The following SPI1 variants were observed in gnomAD, a reference collection of about 807,000 sequenced individuals.
SPI1 encodes Spi-1 proto-oncogene, also known as transcription factor PU.1.
Under a neutral mutation model 30.7 loss-of-function variants are expected in SPI1, and 3 were observed. That is an observed-to-expected ratio of 0.10 (90% confidence interval 0.04 to 0.25). The LOEUF is 0.25. Ranked by LOEUF, SPI1 falls within the 10% of genes least tolerant of loss-of-function variation. SPI1 has a pLI of 1.00. For missense variants in SPI1, 261 were observed against 371.5 expected, an observed-to-expected ratio of 0.70 and a Z score of 2.45; for synonymous variants, 169 against 157.1, an observed-to-expected ratio of 1.08 and a Z score of -0.56.
chr11:47,355,728 G>C (rs2095907263), intron 4 of SPI1, among the ~76,000 whole-genome samples, 182 bp from the exon 5 acceptor site: 1 of 150,176 alleles, frequency 6.7e-6, no homozygotes, highest in Admixed American at 6.6e-5. Flanking sequence ...ACACATGCTT[G>C]CGCACACACA....
At chr11:47,377,191 C>T (rs1335055865) in intron 1 of SPI1, among the ~76,000 whole-genome samples, 2 of 152,192 alleles carry the variant, frequency 1.3e-5, no homozygotes, top group African/African-American at 4.8e-5. Context: ...CCAGGTAGTA[C>T]AGCCTCGCTG....
At position 47,374,752 on chromosome 11, in the gene SPI1, C is replaced by A. The variant is rs996449674; in HGVS notation, c.142+881G>T. Among the ~76,000 whole-genome samples the A allele has an allele frequency of 6.6e-6, 1 of 152,226 alleles. No homozygotes were observed. The highest frequency in any genetic ancestry group is 6.5e-5 in the Admixed American group (1 of 15,282). On this transcript the variant is annotated intron_variant, in intron 2 of 4. Transcript: ENST00000378538. The surrounding 1 kb of genome is among the most constrained non-coding windows in gnomAD (Gnocchi z 4.5). The stretch of plus-strand genomic sequence containing the variant: ...ATCCACTTTGGGCAACCTCCCGCAG[C>A]CCCCTGCTCAGGTCCCAGGCACCTA...
intron 1 of SPI1, 134 bp downstream of exon 1, chr11:47,378,175 G>T (rs1055638115): frequency 1.0e-6 from 1 of 972,240 alleles, no homozygotes; most frequent in South Asian, 1.5e-5. Flanking sequence ...CAGGCCAGGA[G>T]TTCCAGGGAG....
chr11:47,360,911 G>C (rs918699026), intron 2 of SPI1, among the ~76,000 whole-genome samples: 2 of 151,272 alleles, frequency 1.3e-5, no homozygotes, highest in Non-Finnish European at 2.9e-5. Context: ...AACGAGGTCA[G>C]GAGATCAAGA....
At position 47,374,619 on chromosome 11, in the gene SPI1, G is replaced by T. The variant is rs983329281; in HGVS notation, c.142+1014C>A. 2.0e-5 allele frequency among the ~76,000 whole-genome samples: 3 copies of T among 152,198 alleles called. No homozygotes were observed. Among genetic ancestry groups the T allele is most frequent in the Admixed American group, 1.3e-4 (2 of 15,278 alleles). On this transcript the variant is annotated intron_variant, in intron 2 of 4. Transcript: ENST00000378538. The surrounding 1 kb of genome is among the most constrained non-coding windows in gnomAD (Gnocchi z 4.5). ...CCTCTGAGGTGCAGACACCCCAGTC[G>T]CTGGTCTGCCCGGGTCCCAGACGCC...
intron 2 of SPI1, among the ~76,000 whole-genome samples, chr11:47,370,693 CTG>C (rs2095934554): frequency 1.3e-5 from 2 of 152,220 alleles, no homozygotes; most frequent in African/African-American, 2.4e-5. Context: ...CAGAGTGAGA[CTG>C]TCTCATAAAA....
intron 4 of SPI1, among the ~76,000 whole-genome samples, chr11:47,356,391 ACT>A (rs764977450): frequency 3.0e-4 from 44 of 147,294 alleles, no homozygotes; most frequent in Non-Finnish European, 6.2e-4. Flanking sequence ...ATTCACACCC[ACT>A]CACATGCACA....
Position 47,371,058 on chromosome 11 carries a change from C to A in SPI1, c.142+4575G>T, listed in dbSNP as rs182535311. On this transcript the variant is annotated intron_variant, in intron 2 of 4. Transcript: ENST00000378538. The stretch of plus-strand genomic sequence containing the variant: ...CATCTTCATTTGTACATTTACATAG[C>A]ACTGGAATAGAAAGACTGGAGGCCG... 6.6e-5 allele frequency among the ~76,000 whole-genome samples: 10 copies of A among 152,106 alleles called. No homozygotes were observed. In the East Asian group the frequency reaches 1.9e-3, roughly 29 times the overall value.
chr11:47,360,594 G>T (rs1441358581), intron 2 of SPI1, among the ~76,000 whole-genome samples: 1 of 152,104 alleles, frequency 6.6e-6, no homozygotes, highest in Non-Finnish European at 1.5e-5. Flanking sequence ...TTGGGAGGCG[G>T]AGGCGGGCGG....
At chr11:47,361,805 C>T (rs931031186) in intron 2 of SPI1, among the ~76,000 whole-genome samples, 11 of 152,196 alleles carry the variant, frequency 7.2e-5, no homozygotes, top group African/African-American at 2.7e-4. Flanking sequence ...TGGACTGGAT[C>T]TCGGAGTACT....
Position 47,375,576 on chromosome 11 carries a change from G to T in SPI1, c.142+57C>A. 1 of 1,317,522 alleles carries T rather than the reference G, an allele frequency of 7.6e-7. No homozygotes were observed. The highest frequency in any genetic ancestry group is 1.2e-5 in the South Asian group (1 of 85,060). 81.6% of individuals were successfully genotyped at this position (1,317,522 alleles called of 1,614,324 possible). ...ATCATTTATTCTTTTTCTCTCTCCA[G>T]ACCCCAGGAGCCCAGGCTGGGCTGG... On this transcript the variant is annotated intron_variant, in intron 2 of 4. Coordinates refer to ENST00000378538, the MANE Select transcript of SPI1 (RefSeq NM_003120.3). The surrounding 1 kb of genome is among the most constrained non-coding windows in gnomAD (Gnocchi z 4.2).
At chr11:47,357,450 C>T (rs1463572787) in intron 4 of SPI1, among the ~76,000 whole-genome samples, 5 of 152,030 alleles carry the variant, frequency 3.3e-5, no homozygotes, top group Non-Finnish European at 7.4e-5. Context: ...CACACACAAC[C>T]ACTCAGACAC....
At chr11:47,366,536 C>G (rs929200225) in intron 2 of SPI1, among the ~76,000 whole-genome samples, 3 of 152,092 alleles carry the variant, frequency 2.0e-5, no homozygotes, top group Non-Finnish European at 4.4e-5. Context: ...CTCCCGAAGC[C>G]CAGCCTCTCC....
intron 4 of SPI1, 84 bp from the exon 5 acceptor site, chr11:47,355,630 G>A (rs2095906991): frequency 3.2e-6 from 4 of 1,245,342 alleles, no homozygotes; most frequent in African/African-American, 1.5e-5. Flanking sequence ...ACAGGGGCCC[G>A]GGGACGGGGT....
intron 4 of SPI1, among the ~76,000 whole-genome samples, chr11:47,356,075 TCA>T (rs946404247): frequency 4.0e-5 from 6 of 149,084 alleles, no homozygotes; most frequent in East Asian, 2.0e-4. Context: ...ACCCACATGC[TCA>T]CACACATGCT....
At chr11:47,370,790 C>T (rs1019559462) in intron 2 of SPI1, among the ~76,000 whole-genome samples, 12 of 152,076 alleles carry the variant, frequency 7.9e-5, no homozygotes, top group African/African-American at 2.9e-4. Flanking sequence ...GAGTAATAGC[C>T]ACATGGTCAT....
chr11:47,364,254 G>A (rs996590818), intron 2 of SPI1, among the ~76,000 whole-genome samples: 1 of 151,898 alleles, frequency 6.6e-6, no homozygotes, highest in South Asian at 2.1e-4. Context: ...TTTTCACTGT[G>A]TTAGCCAGGA....
rs531943594 is a variant in SPI1 at position 47,354,944 on chromosome 11, C to T, written c.*283G>A. On this transcript the variant is annotated 3_prime_UTR_variant, in exon 5 of 5. Coordinates refer to ENST00000378538, the MANE Select transcript of SPI1 (RefSeq NM_003120.3). ...AGGGGAGATCTGATTTACATACGGA[C>T]TTGAGACTCCCAAGGCAGTACCCCG... The T allele has an allele frequency of 6.6e-6, 2 of 302,980 alleles. No individual in the cohort carries two copies. The highest frequency in any genetic ancestry group is 5.5e-5 in the East Asian group (1 of 18,340). 18.8% of individuals were successfully genotyped at this position (302,980 alleles called of 1,614,324 possible). A position where few individuals can be genotyped will look rare whatever the true frequency, so the allele number is the denominator to read the frequency against.
At chr11:47,363,912 G>A (rs376939907) in intron 2 of SPI1, among the ~76,000 whole-genome samples, 15 of 127,740 alleles carry the variant, frequency 1.2e-4, no homozygotes, top group African/African-American at 4.4e-4. Flanking sequence ...GTGGTGAGCC[G>A]AGATCATGCC....
Sources: allele counts gnomAD v4.1 joint callset (sites outside exome capture counted in the v4.1 genomes callset), GRCh38; gene constraint gnomAD v4.1.1; non-coding constraint Gnocchi (gnomAD v3.1); transcripts MANE v1.5; gene names NCBI Gene and HGNC (gene_info 2026-07-23, HGNC 2026-07-21).